PKD1L1: variants seen among roughly 807,000 people sequenced by gnomAD.
PKD1L1 encodes polycystin 1 like 1, transient receptor potential channel interacting, also known as polycystin-1-like protein 1.
PKD1L1 carries 236 observed loss-of-function variants against 323.4 expected under a neutral mutation model. The ratio of observed to expected loss-of-function variants is 0.73; its 90% CI spans 0.66 to 0.81. The LOEUF is 0.81. PKD1L1 is among the 40% of genes least tolerant of loss of function. PKD1L1 has a pLI of 0.00. For synonymous variants in PKD1L1, 1,344 were observed against 1,335.0 expected, an observed-to-expected ratio of 1.01 and a Z score of -0.15; for missense variants, 3,320 against 3,508.0, an observed-to-expected ratio of 0.95 and a Z score of 1.35.
chr7:47,803,449 A>C (rs1784710502), intron 52 of PKD1L1, 105 bp from the exon 53 acceptor site: 2 of 1,353,174 alleles, frequency 1.5e-6, no homozygotes, highest in Admixed American at 4.0e-5. Context: ...GGATTTGATG[A>C]TGTTATATAG....
chr7:47,900,841 T>C (rs1171022183), intron 13 of PKD1L1, among the ~76,000 whole-genome samples: 1 of 152,212 alleles, frequency 6.6e-6, no homozygotes, highest in Non-Finnish European at 1.5e-5. Flanking sequence ...TAAGACATCA[T>C]TAAAATTATG....
intron 26 of PKD1L1, among the ~76,000 whole-genome samples, chr7:47,863,293 G>A (rs1043937045): frequency 6.6e-6 from 1 of 152,116 alleles, no homozygotes; most frequent in Non-Finnish European, 1.5e-5. Flanking sequence ...GTGCAGTTTC[G>A]GCCCGTGTGG....
rs142836433 is a variant in PKD1L1, at chr7:47,924,518, T to C, written c.1060+4686A>G. Among the ~76,000 whole-genome samples, 44 of 152,302 alleles carry C rather than the reference T, an allele frequency of 2.9e-4. 2 individuals carry two copies. Among genetic ancestry groups the C allele is most frequent in the African/African-American group, 9.9e-4 (41 of 41,560 alleles). ...CCTCAGTTACGTGACTCTGGGGCAA[T>C]AGACAACCTATAGAAACACAAACTA... On this transcript the variant is annotated intron_variant, in intron 7 of 56. Transcript: ENST00000289672.
At chr7:47,786,183 CA>C (rs937000666) in intron 56 of PKD1L1, among the ~76,000 whole-genome samples, 1 of 152,226 alleles carries the variant, frequency 6.6e-6, no homozygotes, top group Non-Finnish European at 1.5e-5. Context: ...ACTATAACTA[CA>C]AAAACTTCTA....
At chr7:47,857,198 G>A (rs776764542) in intron 28 of PKD1L1, among the ~76,000 whole-genome samples, 2 of 152,194 alleles carry the variant, frequency 1.3e-5, no homozygotes, top group Non-Finnish European at 2.9e-5. Context: ...CTTCTTAAGC[G>A]TCATTCAGGT....
At chr7:47,921,608 AT>A (rs1358137193) in intron 7 of PKD1L1, among the ~76,000 whole-genome samples, 1 of 152,192 alleles carries the variant, frequency 6.6e-6, no homozygotes, top group Admixed American at 6.5e-5. Context: ...ACAATTTGCA[AT>A]TGTAAAACCA....
Position 47,906,391 on chromosome 7 carries a change from A to G in PKD1L1, c.1403-429T>C, listed in dbSNP as rs544843186. 3.3e-5 allele frequency among the ~76,000 whole-genome samples: 5 copies of G among 152,322 alleles called. No individual in the cohort carries two copies. In the South Asian group the frequency reaches 1.0e-3, roughly 32 times the overall value. On this transcript the variant is annotated intron_variant, in intron 9 of 56. Transcript: ENST00000289672. Reference sequence around the variant, plus strand: ...AGATTGTGCATATATGTATATATACATGTACACACACCATACACATACCAC... The same window carrying G: ...AGATTGTGCATATATGTATATATACGTGTACACACACCATACACATACCAC...
Position 47,929,475 on chromosome 7 carries a change from C to A in PKD1L1, c.789G>T (p.Ser263=), listed in dbSNP as rs751259936. Residue 263 remains serine (S), a synonymous_variant, in exon 7 of 57, where the codon TCG becomes TCT. Transcript: ENST00000289672. The stretch of plus-strand genomic sequence containing the variant: ...GATAGAGGATCTCAGAACCAGACTG[C>A]GATGCCGTGAAGCTGGGGGTGCGAG... ...GIPRTPSFTA[S]QSGSEILYPP... The A allele has an allele frequency of 6.2e-7, 1 of 1,614,060 alleles. No homozygotes were observed. The highest frequency in any genetic ancestry group is 2.2e-5 in the East Asian group (1 of 44,878).
chr7:47,854,778 T>C, intron 30 of PKD1L1, 104 bp downstream of exon 30: 1 of 1,362,782 alleles, frequency 7.3e-7, no homozygotes, highest in Non-Finnish European at 1.0e-6. Context: ...AGCCTCATTA[T>C]TGCTTTAAAA....
rs748057168 is a variant in PKD1L1, at chr7:47,842,955, G to A, written c.5445+7C>T. The A allele has an allele frequency of 2.4e-5, 39 of 1,609,624 alleles. No individual in the cohort carries two copies. In the East Asian group the frequency reaches 7.1e-4, roughly 29 times the overall value. On this transcript the variant is annotated splice_region_variant and intron_variant, in intron 34 of 56. Coordinates refer to ENST00000289672, the MANE Select transcript of PKD1L1 (RefSeq NM_138295.5). ...CATCAAAGAGTACCCCCAGATGCTC[G>A]AGCTACCTTTGAGGTCAACCTGGCC...
rs138487621 is a variant in PKD1L1 at position 47,827,374 on chromosome 7, T to C, written c.6830A>G (p.Glu2277Gly). The change falls in exon 45 of 57, where the codon GAG (glutamate) becomes GGG (glycine). Residue 2277 changes from glutamate to glycine, a missense_variant. Transcript: ENST00000289672. ...LRGTRQRMRR[E>G]SRTRAALRDI... Reference sequence around the variant, plus strand: ...CCTCAGGGCAGCCCGTGTGCGACTCTCTCTCCTCATCCTCTGTCTGGTGCC... The same window carrying C: ...CCTCAGGGCAGCCCGTGTGCGACTCCCTCTCCTCATCCTCTGTCTGGTGCC... 2.8e-4 allele frequency: 447 copies of C among 1,612,950 alleles called. No individual in the cohort carries two copies. The highest frequency in any genetic ancestry group is 3.2e-4 in the Non-Finnish European group (383 of 1,179,622).
Position 47,796,019 on chromosome 7 carries a change from C to A in PKD1L1, c.8325G>T (p.Lys2775Asn), listed in dbSNP as rs781049884. The A allele has an allele frequency of 1.7e-5, 27 of 1,613,360 alleles. 1 individual carries two copies. The highest frequency in any genetic ancestry group is 2.2e-5 in the Non-Finnish European group (26 of 1,179,840). ...VLTFLRLETP[K>N]LEEAEMVENH... ...TCTCAACCATCTCAGCCTCTTCCAA[C>A]TTTGGTGTTTCCAGTCTCAGAAAGG... The change falls in exon 55 of 57, where the codon AAG becomes AAT. Residue 2775 changes from lysine (K) to asparagine (N), a missense_variant. Coordinates refer to ENST00000289672, the MANE Select transcript of PKD1L1 (RefSeq NM_138295.5).
upstream of PKD1L1, chr7:47,948,550 C>T (rs1788148413): frequency 1.9e-6 from 2 of 1,070,280 alleles, no homozygotes; most frequent in African/African-American, 3.1e-5. Context: ...GTACTTGTGA[C>T]CTCTTATCAG....
chr7:47,807,320 G>C (rs1784800713), intron 52 of PKD1L1, among the ~76,000 whole-genome samples: 1 of 152,148 alleles, frequency 6.6e-6, no homozygotes, highest in Non-Finnish European at 1.5e-5. Context: ...CAGAAGTGTA[G>C]AGGAAACGAG....
chr7:47,842,254 G>A (rs1046356861), intron 34 of PKD1L1, among the ~76,000 whole-genome samples: 31 of 152,154 alleles, frequency 2.0e-4, no homozygotes, highest in African/African-American at 7.5e-4. Context: ...GACCACATAA[G>A]CTTTAAAAAT....
In PKD1L1 at chr7:47,931,210, C is replaced by T. The variant is rs139651403; in HGVS notation, c.631G>A (p.Gly211Arg). ...GTGGGGGTCTCCATCGTGACAGTCC[C>T]AGGAAGCAGCCCCGTGGCCACATCC... ...AEDVATGLLP[G>R]TVTMETPTKV... is the part of the protein sequence containing the mutation. The change falls in exon 6 of 57, where the codon GGG becomes AGG. Residue 211 changes from glycine to arginine, a missense_variant. By Grantham distance (125) the Gly-to-Arg change is moderately radical (BLOSUM62 -2). Transcript: ENST00000289672. 2.6e-4 allele frequency: 423 copies of T among 1,614,208 alleles called. 2 individuals are homozygous for T. In the African/African-American group the frequency reaches 4.1e-3, roughly 16 times the overall value.
At chr7:47,779,899 A>G (rs1281647847) in intron 56 of PKD1L1, among the ~76,000 whole-genome samples, 1 of 152,234 alleles carries the variant, frequency 6.6e-6, no homozygotes, top group Non-Finnish European at 1.5e-5. Context: ...AGCACTTGTT[A>G]TGCACATTTG....
chr7:47,804,475 T>TC (rs1357473393), intron 52 of PKD1L1, among the ~76,000 whole-genome samples: 1 of 145,464 alleles, frequency 6.9e-6, no homozygotes, highest in African/African-American at 2.5e-5. Flanking sequence ...TTTAATTTTT[T>TC]TTTTTTTTTT....
At chr7:47,906,012 A>G (rs1339618088) in intron 9 of PKD1L1, 50 bp from the exon 10 acceptor site, 1 of 1,494,502 alleles carries the variant, frequency 6.7e-7, no homozygotes, top group Non-Finnish European at 9.0e-7. Flanking sequence ...AAATTAATTC[A>G]CTTTTATCAT....
Sources: gnomAD v4.1 joint callset for allele counts (sites outside exome capture counted in the v4.1 genomes callset) on GRCh38, gnomAD v4.1.1 for gene constraint, MANE v1.5 for transcripts, NCBI Gene and HGNC (gene_info 2026-07-23, HGNC 2026-07-21) for gene names.